Variants in ULK4 observed in about 807,000 individuals in gnomAD.
ULK4 encodes unc-51 like kinase 4.
ULK4 carries 133 observed loss-of-function variants against 160.6 expected under a neutral mutation model. The ratio of observed to expected loss-of-function variants is 0.83; its 90% CI spans 0.72 to 0.96. ULK4 has a LOEUF of 0.96. ULK4 is among the 40% of genes least tolerant of loss of function. The probability of loss-of-function intolerance (pLI) is 0.00; values close to 1 mark genes in which losing one functional copy is unlikely to be tolerated. For missense variants in ULK4, 1,580 were observed against 1,499.5 expected (o/e 1.05, Z -0.89); for synonymous variants, 534 against 539.8 (o/e 0.99, Z 0.15).
chr3:41,571,723 C>A lies in ULK4; in HGVS notation c.3121-5593G>T, dbSNP rs568029818. Among the ~76,000 whole-genome samples the A allele has an allele frequency of 6.6e-5, 10 of 152,244 alleles. No individual in the cohort carries two copies. The Middle Eastern group carries it at 0.01, about 155-fold the overall frequency. ...CATTAGATGCTCCTCTGGGAGAGCCCCTCCAACTTCTCCAAATTTAAGACT... is the reference window on the plus strand; with the variant it reads ...CATTAGATGCTCCTCTGGGAGAGCCACTCCAACTTCTCCAAATTTAAGACT... On this transcript the variant is annotated intron_variant, in intron 31 of 36. Coordinates refer to ENST00000301831, the MANE Select transcript of ULK4 (RefSeq NM_017886.4).
At chr3:41,650,695 G>A (rs2034705774) in intron 30 of ULK4, among the ~76,000 whole-genome samples, 1 of 152,236 alleles carries the variant, frequency 6.6e-6, no homozygotes, top group South Asian at 2.1e-4. Context: ...GCTGAGCCGA[G>A]TGGGCAGAAC....
Position 41,463,139 on chromosome 3 carries a change from A to G in ULK4, c.3341T>C (p.Ile1114Thr). 1.2e-6 allele frequency: 2 copies of G among 1,613,846 alleles called. No homozygotes were observed. Among genetic ancestry groups the G allele is most frequent in the African/African-American group, 1.3e-5 (1 of 75,026 alleles). The change falls in exon 33 of 37, where the codon ATT becomes ACT. Residue 1114 changes from isoleucine to threonine, a missense_variant. Ile to Thr is a moderately conservative substitution (Grantham distance 89, BLOSUM62 -1). Transcript: ENST00000301831. ...AAPLLFSLLD[I>T]LHSMLTYTSG... ...GGTATAGGTCAGCATGCTGTGCAAAATATCAAGCAGGGAAAAGAGCAGTGG... is the reference window on the plus strand; with the variant it reads ...GGTATAGGTCAGCATGCTGTGCAAAGTATCAAGCAGGGAAAAGAGCAGTGG...
At chr3:41,568,642 CAT>C (rs1239342015) in intron 31 of ULK4, among the ~76,000 whole-genome samples, 1 of 152,216 alleles carries the variant, frequency 6.6e-6, no homozygotes, top group Non-Finnish European at 1.5e-5. Context: ...GAAAAACACA[CAT>C]AAACTCTTAA....
chr3:41,697,032 C>T (rs771506593), intron 27 of ULK4, among the ~76,000 whole-genome samples: 25 of 152,132 alleles, frequency 1.6e-4, no homozygotes, highest in Non-Finnish European at 3.5e-4. Context: ...ATTTTAGCCC[C>T]AAAACTCATT....
intron 30 of ULK4, among the ~76,000 whole-genome samples, chr3:41,654,435 A>G (rs948685373): frequency 1.2e-4 from 19 of 152,262 alleles, no homozygotes; most frequent in African/African-American, 4.1e-4. Context: ...CAAAACTGTT[A>G]AATGATAATC....
chr3:41,455,178 T>C (rs114381893), intron 34 of ULK4, among the ~76,000 whole-genome samples: 1,596 of 152,316 alleles, frequency 0.01, 16 homozygotes, highest in Non-Finnish European at 0.015. Flanking sequence ...AAATATCTTT[T>C]TGAGAAGAAA....
intron 22 of ULK4, among the ~76,000 whole-genome samples, chr3:41,741,908 C>T (rs2038251580): frequency 6.6e-6 from 1 of 151,820 alleles, no homozygotes; most frequent in African/African-American, 2.4e-5. Context: ...TTCTTTATCG[C>T]CTCTCATGTA....
At chr3:41,361,022 C>A (rs58494054) in intron 35 of ULK4, among the ~76,000 whole-genome samples, 2 of 151,936 alleles carry the variant, frequency 1.3e-5, no homozygotes, top group South Asian at 4.2e-4. Context: ...CAGGAAGGGG[C>A]GCTTTGATGA....
intron 22 of ULK4, among the ~76,000 whole-genome samples, chr3:41,741,812 C>G (rs1489456129): frequency 6.6e-6 from 1 of 151,852 alleles, no homozygotes; most frequent in African/African-American, 2.4e-5. Context: ...AAAACAAACA[C>G]AGGAAGACTC....
At chr3:41,933,256 C>T (rs1478230459) in intron 4 of ULK4, among the ~76,000 whole-genome samples, 2 of 152,174 alleles carry the variant, frequency 1.3e-5, no homozygotes, top group African/African-American at 4.8e-5. Context: ...CTACCAAGTG[C>T]CAGGTCAACC....
At chr3:41,366,250 AACTT>A (rs2081251263) in intron 35 of ULK4, among the ~76,000 whole-genome samples, 1 of 152,186 alleles carries the variant, frequency 6.6e-6, no homozygotes, top group Non-Finnish European at 1.5e-5. Flanking sequence ...TTCCTCTAAA[AACTT>A]ACTTCAGTGG....
At chr3:41,306,681 A>G (rs1370813321) in intron 35 of ULK4, among the ~76,000 whole-genome samples, 4 of 152,060 alleles carry the variant, frequency 2.6e-5, no homozygotes, top group African/African-American at 9.7e-5. Context: ...CCATGATGAC[A>G]ATGGCGGTTT....
At chr3:41,374,899 G>A (rs904202566) in intron 35 of ULK4, among the ~76,000 whole-genome samples, 1 of 152,198 alleles carries the variant, frequency 6.6e-6, no homozygotes, top group Non-Finnish European at 1.5e-5. Flanking sequence ...CATCGTCTCA[G>A]CTCAAAAACT....
chr3:41,907,785 C>A (rs761169783), intron 12 of ULK4, 60 bp downstream of exon 12: 109 of 1,093,146 alleles, frequency 1.0e-4, no homozygotes, highest in Non-Finnish European at 1.3e-4. Context: ...TACCAACTTA[C>A]AATTATTCTT....
chr3:41,589,430 CAAAAAAAA>C lies in ULK4; in HGVS notation c.3121-23308_3121-23301del, dbSNP rs34913730. 6.9e-5 allele frequency among the ~76,000 whole-genome samples: 5 copies of C among 72,114 alleles called. 1 individual carries two copies. The highest frequency in any genetic ancestry group is 6.6e-4 in the Admixed American group (4 of 6,090). 47.3% of individuals were successfully genotyped at this position (72,114 alleles called of 152,430 possible). On this transcript the variant is annotated intron_variant, in intron 31 of 36. Coordinates refer to ENST00000301831, the MANE Select transcript of ULK4 (RefSeq NM_017886.4). ...GGAAAAAACACCACAAAGGCCAGGCCAAAAAAAAAAAAAAAAAAAAATCCTAAGAAATG... is the reference window on the plus strand; with the variant it reads ...GGAAAAAACACCACAAAGGCCAGGCCAAAAAAAAAAAAATCCTAAGAAATG...
At chr3:41,482,361 T>C (rs1163496960) in intron 32 of ULK4, among the ~76,000 whole-genome samples, 1 of 152,158 alleles carries the variant, frequency 6.6e-6, no homozygotes, top group African/African-American at 2.4e-5. Context: ...GCAGCAGTGA[T>C]GGTGTCTTAT....
chr3:41,401,677 T>C (rs1258067902), intron 34 of ULK4, among the ~76,000 whole-genome samples: 1 of 152,186 alleles, frequency 6.6e-6, no homozygotes, highest in Non-Finnish European at 1.5e-5. Context: ...GCATGGTAAC[T>C]GTTCAAATCT....
chr3:41,535,808 G>C (rs2086477774), intron 32 of ULK4, among the ~76,000 whole-genome samples: 1 of 152,146 alleles, frequency 6.6e-6, no homozygotes, highest in South Asian at 2.1e-4. Context: ...AGCCACATGG[G>C]CATCCCCTCT....
chr3:41,450,133 T>C (rs905193747), intron 34 of ULK4, among the ~76,000 whole-genome samples: 2 of 152,136 alleles, frequency 1.3e-5, no homozygotes, highest in Non-Finnish European at 2.9e-5. Context: ...AACTATCTAG[T>C]TTAAAAACTT....
Sources: allele counts gnomAD v4.1 joint callset (sites outside exome capture counted in the v4.1 genomes callset), GRCh38; gene constraint gnomAD v4.1.1; transcripts MANE v1.5; gene names NCBI Gene and HGNC (gene_info 2026-07-23, HGNC 2026-07-21).